The following GNB1 variants were observed in gnomAD, a reference collection of about 807,000 sequenced individuals.
GNB1 encodes guanine nucleotide-binding protein G(I)/G(S)/G(T) subunit beta-1.
In GNB1, 2 loss-of-function variants were observed where a neutral mutation model predicts 42.9. The observed-to-expected ratio is 0.05, with a 90% CI of 0.02 to 0.15. GNB1 has a LOEUF of 0.15. Among genes scored for constraint, GNB1 ranks in the 10% least tolerant of loss-of-function variants. GNB1 has a pLI of 1.00. For synonymous variants in GNB1, 183 were observed against 174.7 expected (o/e 1.05, Z -0.38); for missense variants, 193 against 462.2 (o/e 0.42, Z 5.34).
rs1646401488 is a variant in GNB1 at position 1,785,987 on chromosome 1, C to A, written c.*1076G>T. ...AAAAAGAACACCTAAGGACTGAGTC[C>A]CATATGCACTTTTGAGCATTTCTAC... On this transcript the variant is annotated 3_prime_UTR_variant, in exon 12 of 12. Coordinates refer to ENST00000378609, the MANE Select transcript of GNB1 (RefSeq NM_002074.5). 2.5e-6 allele frequency: 1 copy of A among 398,570 alleles called. No homozygotes were observed. The highest frequency in any genetic ancestry group is 2.1e-5 in the African/African-American group (1 of 48,496). 24.7% of individuals were successfully genotyped at this position (398,570 alleles called of 1,614,324 possible).
intron 7 of GNB1, among the ~76,000 whole-genome samples, chr1:1,800,625 G>T (rs571261772): frequency 2.0e-5 from 3 of 152,156 alleles, no homozygotes; most frequent in Admixed American, 1.3e-4. Flanking sequence ...TGAAGACATG[G>T]TCTAAAACTT....
At chr1:1,853,885 T>C (rs1429083736) in intron 1 of GNB1, among the ~76,000 whole-genome samples, 1 of 152,134 alleles carries the variant, frequency 6.6e-6, no homozygotes, top group Non-Finnish European at 1.5e-5. Flanking sequence ...TATATAGTCA[T>C]ATTATATAAC....
At chr1:1,881,406 C>T (rs1649838432) in intron 1 of GNB1, among the ~76,000 whole-genome samples, 1 of 147,506 alleles carries the variant, frequency 6.8e-6, no homozygotes, top group African/African-American at 2.4e-5. Flanking sequence ...CTGGAGCTCT[C>T]GAGGTAAAAG....
intron 1 of GNB1, among the ~76,000 whole-genome samples, chr1:1,871,384 T>C (rs569071899): frequency 6.6e-6 from 1 of 152,126 alleles, no homozygotes; most frequent in Admixed American, 6.5e-5. Flanking sequence ...TGCTTGAACG[T>C]AGGAGGCGGA....
intron 1 of GNB1, among the ~76,000 whole-genome samples, chr1:1,862,590 T>C (rs1234824075): frequency 6.6e-6 from 1 of 151,596 alleles, no homozygotes; most frequent in Non-Finnish European, 1.5e-5. Flanking sequence ...GCATCCCGAG[T>C]AGCTGGGACT....
intron 1 of GNB1, among the ~76,000 whole-genome samples, chr1:1,884,370 T>G (rs1466411424): frequency 1.3e-5 from 2 of 151,136 alleles, no homozygotes; most frequent in Admixed American, 1.3e-4. Context: ...AGCCACCGCG[T>G]CTGGGCTAAT....
At chr1:1,816,433 A>C (rs1646856916) in intron 4 of GNB1, among the ~76,000 whole-genome samples, 1 of 152,122 alleles carries the variant, frequency 6.6e-6, no homozygotes, top group Non-Finnish European at 1.5e-5. Flanking sequence ...GGGTTTTAAA[A>C]ACGGACAGTC....
chr1:1,793,625 TG>T, intron 7 of GNB1: 1 of 198,066 alleles, frequency 5.0e-6, no homozygotes, highest in Non-Finnish European at 1.1e-5. Flanking sequence ...CATCAAAGGC[TG>T]GGGATCCCTC....
chr1:1,818,001 C>T (rs1030292202), intron 3 of GNB1, 126 bp from the exon 4 acceptor site: 17 of 710,944 alleles, frequency 2.4e-5, no homozygotes, highest in Non-Finnish European at 3.0e-5. Flanking sequence ...TGTGAAAGAA[C>T]GGCAGAGTCT....
chr1:1,803,410 AG>A (rs1646652052), intron 7 of GNB1, among the ~76,000 whole-genome samples: 1 of 152,130 alleles, frequency 6.6e-6, no homozygotes, highest in Non-Finnish European at 1.5e-5. Context: ...CATCCTCCTG[AG>A]GAGCTGGGAC....
At chr1:1,789,352 G>A in intron 9 of GNB1, 83 bp from the exon 10 acceptor site, 1 of 782,272 alleles carries the variant, frequency 1.3e-6, no homozygotes, top group Non-Finnish European at 2.2e-6. Flanking sequence ...TGGTAGGGCT[G>A]CAGAGAACAC....
At chr1:1,871,983 C>T (rs910502604) in intron 1 of GNB1, among the ~76,000 whole-genome samples, 1 of 152,000 alleles carries the variant, frequency 6.6e-6, no homozygotes, top group African/African-American at 2.4e-5. Context: ...TTTCATTCAG[C>T]AATCTGAACA....
At chr1:1,798,990 G>A (rs1181978836) in intron 7 of GNB1, among the ~76,000 whole-genome samples, 2 of 151,474 alleles carry the variant, frequency 1.3e-5, no homozygotes, top group African/African-American at 4.8e-5. Flanking sequence ...CGCGATCTCG[G>A]CTCACTGCAG....
intron 1 of GNB1, among the ~76,000 whole-genome samples, chr1:1,890,124 G>A (rs1270776499): frequency 1.3e-5 from 2 of 152,162 alleles, no homozygotes; most frequent in Non-Finnish European, 2.9e-5. Context: ...CGACACGCGC[G>A]GGGCGCCAGC....
Position 1,876,512 on chromosome 1 carries a change from A to AGAGAGAGAGC in GNB1, c.-96+14307_-96+14308insGCTCTCTCTC, listed in dbSNP as rs958427005. On this transcript the variant is annotated intron_variant, in intron 1 of 11. Coordinates refer to ENST00000378609, the MANE Select transcript of GNB1 (RefSeq NM_002074.5). ...GCACACGAGAGAGAGAGAGAGAGAG[A>AGAGAGAGAGC]GAGCGAGCGTGCATGGCCACGTGCA... Among the ~76,000 whole-genome samples the AGAGAGAGAGC allele has an allele frequency of 4.7e-3, 715 of 151,890 alleles. 4 individuals carry two copies. Among genetic ancestry groups the AGAGAGAGAGC allele is most frequent in the Middle Eastern group, 0.024 (7 of 294 alleles).
At chr1:1,883,900 A>C (rs1649995921) in intron 1 of GNB1, among the ~76,000 whole-genome samples, 2 of 152,074 alleles carry the variant, frequency 1.3e-5, no homozygotes, top group South Asian at 4.2e-4. Flanking sequence ...TAAAATTCCT[A>C]TGAGAAATTT....
At chr1:1,826,245 G>T (rs182275485) in intron 2 of GNB1, among the ~76,000 whole-genome samples, 10 of 151,674 alleles carry the variant, frequency 6.6e-5, no homozygotes, top group African/African-American at 2.2e-4. Flanking sequence ...GGTGAAACCC[G>T]ATCTCTACTA....
chr1:1,866,399 G>C (rs1163458232), intron 1 of GNB1, among the ~76,000 whole-genome samples: 1 of 152,084 alleles, frequency 6.6e-6, no homozygotes, highest in African/African-American at 2.4e-5. Context: ...TATTCAAAAT[G>C]CCCAACCATT....
In GNB1 at chr1:1,817,847, G is replaced by C; in HGVS notation, c.86C>G (p.Thr29Ser). 1 of 1,611,974 alleles carries C rather than the reference G, an allele frequency of 6.2e-7. No homozygotes were observed. Among genetic ancestry groups the C allele is most frequent in the Non-Finnish European group, 8.5e-7 (1 of 1,178,074 alleles). The part of the protein sequence containing the change: ...RDARKACADA[T>S]LSQITNNIDP... ...TCAGTGGGCTCTTACCTGAGAGAGA[G>C]TTGCATCTGCACATGCTTTCCTGGC... is the stretch of plus-strand genomic sequence containing the variant. Residue 29 changes from threonine (T) to serine (S), a missense_variant, in exon 4 of 12, where the codon ACT becomes AGT. Physicochemically the swap from Thr to Ser is moderately conservative, Grantham distance 58. Around this residue, in one of 2 missense-constraint regions of GNB1, gnomAD observed 43 missense variants for 51.5 expected, o/e 0.84. Coordinates refer to ENST00000378609, the MANE Select transcript of GNB1 (RefSeq NM_002074.5).
Sources: allele counts gnomAD v4.1 joint callset (sites outside exome capture counted in the v4.1 genomes callset), GRCh38; gene constraint gnomAD v4.1.1; regional missense constraint gnomAD v4.1.1; transcripts MANE v1.5; gene names NCBI Gene and HGNC (gene_info 2026-07-23, HGNC 2026-07-21).